The following CEACAM20 variants were observed in gnomAD, a reference collection of about 807,000 sequenced individuals.
CEACAM20 encodes CEA cell adhesion molecule 20.
In CEACAM20, 50 loss-of-function variants were observed where a neutral mutation model predicts 61.2. The observed-to-expected ratio is 0.82, with a 90% CI of 0.65 to 1.03. CEACAM20 has a LOEUF of 1.03. Among genes scored for constraint, CEACAM20 ranks in the 50% least tolerant of loss-of-function variants. CEACAM20 has a pLI of 0.00. For synonymous variants in CEACAM20, 282 were observed against 287.7 expected (o/e 0.98, Z 0.20); for missense variants, 683 against 736.4 (o/e 0.93, Z 0.84).
chr19:44,510,600 GAA>G (rs1568446393), intron 11 of CEACAM20, among the ~76,000 whole-genome samples: 1 of 74,286 alleles, frequency 1.3e-5, no homozygotes, highest in African/African-American at 7.2e-5. Context: ...AAGAAAGAAA[GAA>G]AGAAAGAAAA....
At position 44,520,616 on chromosome 19, in the gene CEACAM20, G is replaced by A; in HGVS notation, c.888C>T (p.Pro296=). Residue 296 remains proline (P), a synonymous_variant, in exon 5 of 12, where the codon CCC becomes CCT. Transcript: ENST00000614924. ...CAGCTGACAGCTGCAGGTGCTCACT[G>A]GGCAGGAGGGGCTGGCCACTTAGGA... ...QWFLSGQPLL[P]SEHLQLSADN... The A allele has an allele frequency of 6.2e-7, 1 of 1,614,034 alleles. No individual in the cohort carries two copies. Among genetic ancestry groups the A allele is most frequent in the Non-Finnish European group, 8.5e-7 (1 of 1,179,904 alleles).
intron 7 of CEACAM20, 53 bp from the exon 8 acceptor site, chr19:44,513,006 A>G: frequency 6.8e-7 from 1 of 1,476,344 alleles, no homozygotes; most frequent in Non-Finnish European, 9.3e-7. Context: ...GCCCATCTCC[A>G]CAGGTTCTGC....
chr19:44,509,159 T>C (rs1970899947), intron 11 of CEACAM20, among the ~76,000 whole-genome samples: 1 of 151,860 alleles, frequency 6.6e-6, no homozygotes, highest in Non-Finnish European at 1.5e-5. Context: ...AATGGCATGA[T>C]GTCCAAAGAA....
At chr19:44,511,339 C>A (rs1479325003) in intron 10 of CEACAM20, among the ~76,000 whole-genome samples, 184 bp from the exon 11 acceptor site, 2 of 152,340 alleles carry the variant, frequency 1.3e-5, no homozygotes, top group East Asian at 1.9e-4. Context: ...CTTTTTCCTG[C>A]TGGATCTGCA....
intron 1 of CEACAM20, among the ~76,000 whole-genome samples, chr19:44,527,690 A>G (rs1225240132): frequency 1.3e-5 from 2 of 152,138 alleles, no homozygotes; most frequent in African/African-American, 4.8e-5. Flanking sequence ...GATAACTCTC[A>G]GCCTCCCAGG....
At chr19:44,510,384 G>A (rs752790604) in intron 11 of CEACAM20, among the ~76,000 whole-genome samples, 8 of 151,730 alleles carry the variant, frequency 5.3e-5, no homozygotes, top group Non-Finnish European at 1.0e-4. Context: ...GTGATGGCTC[G>A]TGCCTGCAGT....
intron 1 of CEACAM20, among the ~76,000 whole-genome samples, chr19:44,527,557 A>C (rs1246550880): frequency 6.6e-6 from 1 of 152,118 alleles, no homozygotes; most frequent in Non-Finnish European, 1.5e-5. Flanking sequence ...TACCCACCCG[A>C]GACAGGAAGC....
Position 44,513,361 on chromosome 19 carries a change from T to C in CEACAM20, c.1310-72A>G, listed in dbSNP as rs558210216. The C allele has an allele frequency of 1.8e-5, 18 of 975,542 alleles. No individual in the cohort carries two copies. In the Admixed American group the frequency reaches 3.0e-4, roughly 16 times the overall value. The allele number at this position is 975,542 out of a possible 1,614,324, so 60.4% of individuals were successfully genotyped here. On this transcript the variant is annotated intron_variant, in intron 6 of 11. Transcript: ENST00000614924. ...CCCTGCTCCCAGCCCGTTCCCAAGC[T>C]TGCAGCTTTTTCTCTACTGACATTT...
chr19:44,508,737 T>C (rs73040491), intron 11 of CEACAM20, among the ~76,000 whole-genome samples: 132 of 152,326 alleles, frequency 8.7e-4, no homozygotes, highest in Non-Finnish European at 1.6e-3. Context: ...CTCTCTGTTT[T>C]ATTGTTACCA....
rs151111874 is a variant in CEACAM20, at chr19:44,509,984, AT to A, written c.1737+1045del. ...ATGGAAATAAGAAGACTGAAATGGG[AT>A]GGGAAGAATAAGAATGGAAACGAAA... On this transcript the variant is annotated intron_variant, in intron 11 of 11. Coordinates refer to ENST00000614924, the MANE Select transcript of CEACAM20 (RefSeq NM_001102597.3). Among the ~76,000 whole-genome samples the A allele has an allele frequency of 4.6e-4, 70 of 152,276 alleles. No homozygotes were observed. The East Asian group carries it at 0.011, about 24-fold the overall frequency.
chr19:44,516,258 C>G (rs183131324), intron 6 of CEACAM20, among the ~76,000 whole-genome samples: 8 of 152,312 alleles, frequency 5.3e-5, no homozygotes, highest in Non-Finnish European at 1.0e-4. Flanking sequence ...ATAGCTCACT[C>G]CTTCCCTCAC....
chr19:44,511,389 G>T (rs1181621469), intron 10 of CEACAM20, among the ~76,000 whole-genome samples: 1 of 152,118 alleles, frequency 6.6e-6, no homozygotes, highest in Non-Finnish European at 1.5e-5. Flanking sequence ...AGCATGTGCT[G>T]GTCCAGTACC....
chr19:44,528,144 C>T (rs925098805), intron 1 of CEACAM20, among the ~76,000 whole-genome samples: 26 of 129,392 alleles, frequency 2.0e-4, no homozygotes, highest in African/African-American at 8.7e-4. Context: ...CTCTTTCTTT[C>T]TTTTCTTTCT....
chr19:44,513,341 C>T, intron 6 of CEACAM20, 52 bp from the exon 7 acceptor site: 1 of 1,246,922 alleles, frequency 8.0e-7, no homozygotes, highest in East Asian at 2.4e-5. Context: ...CTCATCCCTG[C>T]TCCCAGCCCG....
At chr19:44,526,605 G>C (rs754515620) in intron 1 of CEACAM20, among the ~76,000 whole-genome samples, 1 of 151,958 alleles carries the variant, frequency 6.6e-6, no homozygotes, top group African/African-American at 2.4e-5. Flanking sequence ...GACCTGGCGC[G>C]GTGGCTCATG....
chr19:44,517,374 A>C, intron 5 of CEACAM20, 150 bp from the exon 6 acceptor site: 1 of 1,010,372 alleles, frequency 9.9e-7, no homozygotes. Context: ...AGTGTGGTCC[A>C]CAACACTGGG....
intron 1 of CEACAM20, among the ~76,000 whole-genome samples, chr19:44,526,605 G>A (rs754515620): frequency 6.6e-6 from 1 of 151,958 alleles, no homozygotes; most frequent in African/African-American, 2.4e-5. Context: ...GACCTGGCGC[G>A]GTGGCTCATG....
chr19:44,520,520 G>C lies in CEACAM20; in HGVS notation c.984C>G (p.Asn328Lys), dbSNP rs771908793. 6.2e-7 allele frequency: 1 copy of C among 1,613,858 alleles called. No individual in the cohort carries two copies. Among genetic ancestry groups the C allele is most frequent in the South Asian group, 1.1e-5 (1 of 91,074 alleles). The change falls in exon 5 of 12, where the codon AAC (asparagine) becomes AAG (lysine). Residue 328 changes from asparagine to lysine, a missense_variant. Coordinates refer to ENST00000614924, the MANE Select transcript of CEACAM20 (RefSeq NM_001102597.3). The stretch of plus-strand genomic sequence containing the variant: ...GCTCACTCCGGGCCCGGCTGCCCCA[G>C]TTCCAGACCTCACAGGCATAGGGCC... ...DTGPYACEVWNWGSRARSEPL... is the reference protein window; with the variant it reads ...DTGPYACEVWKWGSRARSEPL...
At chr19:44,528,154 TTTCTTTTC>T (rs1268879411) in intron 1 of CEACAM20, among the ~76,000 whole-genome samples, 3 of 114,398 alleles carry the variant, frequency 2.6e-5, no homozygotes, top group South Asian at 5.5e-4. Flanking sequence ...CTTTTCTTTC[TTTCTTTTC>T]TTTCTTTCCT....
Sources: allele counts gnomAD v4.1 joint callset (sites outside exome capture counted in the v4.1 genomes callset), GRCh38; gene constraint gnomAD v4.1.1; transcripts MANE v1.5; gene names NCBI Gene and HGNC (gene_info 2026-07-23, HGNC 2026-07-21).